The following PRKG1 variants were observed in gnomAD, a reference collection of about 807,000 sequenced individuals.
PRKG1 encodes protein kinase cGMP-dependent 1.
In PRKG1, 35 loss-of-function variants were observed where a neutral mutation model predicts 88.1. The ratio of observed to expected loss-of-function variants is 0.40; its 90% confidence interval spans 0.30 to 0.53. PRKG1 has a LOEUF of 0.53. Ranked by LOEUF, PRKG1 falls within the 20% of genes least tolerant of loss-of-function variation. The probability of loss-of-function intolerance (pLI) is 0.59; values close to 1 mark genes in which losing one functional copy is unlikely to be tolerated. For missense variants in PRKG1, 540 were observed against 839.8 expected, an observed-to-expected ratio of 0.64 and a Z score of 4.41; for synonymous variants, 303 against 292.5, an observed-to-expected ratio of 1.04 and a Z score of -0.37.
chr10:51,992,055 T>C (rs1481126420), intron 5 of PRKG1, among the ~76,000 whole-genome samples: 1 of 152,192 alleles, frequency 6.6e-6, no homozygotes, highest in East Asian at 1.9e-4. Flanking sequence ...AGAATTATTA[T>C]AACCTTATAA....
chr10:52,199,187 C>T (rs1839591723), intron 9 of PRKG1, among the ~76,000 whole-genome samples: 2 of 152,108 alleles, frequency 1.3e-5, no homozygotes. Flanking sequence ...TATCTTTCCT[C>T]ACCTTCTAAC....
chr10:52,105,971 CT>C (rs1847411421), intron 7 of PRKG1, among the ~76,000 whole-genome samples: 1 of 152,104 alleles, frequency 6.6e-6, no homozygotes, highest in Non-Finnish European at 1.5e-5. Context: ...CCCCACTCCC[CT>C]CCCACTCTTC....
chr10:51,334,999 CTTTTTTTTTTTTTT>C (rs918622780), intron 2 of PRKG1, among the ~76,000 whole-genome samples: 1 of 78,746 alleles, frequency 1.3e-5, no homozygotes, highest in Admixed American at 1.7e-4. Flanking sequence ...TGTCAGGTTT[CTTTTTTTTTTTTTT>C]TTTTTTTTTT....
intron 3 of PRKG1, among the ~76,000 whole-genome samples, chr10:51,481,974 C>T (rs765383279): frequency 2.0e-5 from 3 of 152,038 alleles, no homozygotes; most frequent in Non-Finnish European, 4.4e-5. Context: ...TACAATAATT[C>T]TGTTGTATAA....
chr10:51,866,988 G>A (rs574994503), intron 4 of PRKG1, among the ~76,000 whole-genome samples: 19 of 152,230 alleles, frequency 1.2e-4, no homozygotes, highest in South Asian at 8.3e-4. Context: ...TCATTAAAGC[G>A]TACTTAACCA....
intron 1 of PRKG1, among the ~76,000 whole-genome samples, chr10:51,005,835 A>T (rs1415351450): frequency 6.6e-6 from 1 of 152,186 alleles, no homozygotes; most frequent in Non-Finnish European, 1.5e-5. Flanking sequence ...ATATTTTTCC[A>T]GGCTGGGTGC....
chr10:51,494,006 C>A (rs1840782339), intron 3 of PRKG1, among the ~76,000 whole-genome samples: 1 of 152,102 alleles, frequency 6.6e-6, no homozygotes, highest in African/African-American at 2.4e-5. Context: ...GCTATTTTTT[C>A]TACTTAAAAT....
intron 3 of PRKG1, among the ~76,000 whole-genome samples, chr10:51,478,181 G>A (rs1006844151): frequency 7.2e-5 from 11 of 152,054 alleles, no homozygotes; most frequent in Non-Finnish European, 1.3e-4. Context: ...AGTATATCAA[G>A]GCTTTGGACA....
intron 1 of PRKG1, among the ~76,000 whole-genome samples, chr10:51,060,014 G>T (rs1843676231): frequency 6.6e-6 from 1 of 151,946 alleles, no homozygotes; most frequent in African/African-American, 2.4e-5. Context: ...TATAAATTTA[G>T]AATTATAATT....
At chr10:51,930,493 C>CTT (rs1842668175) in intron 5 of PRKG1, among the ~76,000 whole-genome samples, 1 of 85,400 alleles carries the variant, frequency 1.2e-5, no homozygotes, top group Non-Finnish European at 2.0e-5. Flanking sequence ...TTTTTTTTTC[C>CTT]TCTTTTTTTT....
At chr10:51,235,775 A>G (rs1177573437) in intron 2 of PRKG1, among the ~76,000 whole-genome samples, 1 of 152,204 alleles carries the variant, frequency 6.6e-6, no homozygotes, top group African/African-American at 2.4e-5. Context: ...TGGTTAAATT[A>G]TATACACATA....
At chr10:51,397,029 G>A (rs293229) in intron 2 of PRKG1, among the ~76,000 whole-genome samples, 126,276 of 152,160 alleles carry the variant, frequency 0.83, 52,870 homozygotes, top group African/African-American at 0.87. Context: ...TTTCAATAAA[G>A]CTTATTTTAC....
intron 3 of PRKG1, among the ~76,000 whole-genome samples, chr10:51,760,739 T>G (rs1837999708): frequency 6.6e-6 from 1 of 152,082 alleles, no homozygotes; most frequent in South Asian, 2.1e-4. Flanking sequence ...CCCGTGGTGC[T>G]GGGATTACAG....
chr10:51,056,189 T>C (rs182721047), intron 1 of PRKG1, among the ~76,000 whole-genome samples: 2 of 152,306 alleles, frequency 1.3e-5, no homozygotes, highest in East Asian at 3.9e-4. Context: ...GCCCACTCAA[T>C]AGCCCTTCAA....
chr10:51,287,023 A>G (rs79099799), intron 2 of PRKG1, among the ~76,000 whole-genome samples: 19,162 of 152,148 alleles, frequency 0.13, 1,294 homozygotes, highest in East Asian at 0.18. Context: ...GTCTACAGGC[A>G]TATGCCACCA....
At chr10:51,655,666 C>T (rs1311771474) in intron 3 of PRKG1, among the ~76,000 whole-genome samples, 1 of 152,030 alleles carries the variant, frequency 6.6e-6, no homozygotes, top group African/African-American at 2.4e-5. Flanking sequence ...AAGTCTCATT[C>T]TACTTTAGTC....
rs1446600606 is a variant in PRKG1, at chr10:51,627,961, T to C, written c.592+160125T>C. Reference sequence around the variant, plus strand: ...TCCTTCCTTTCTTTCTTTCTTTCTTTCTTTCTTTCTCTTTCTTTCTTTCTT... The same window carrying C: ...TCCTTCCTTTCTTTCTTTCTTTCTTCCTTTCTTTCTCTTTCTTTCTTTCTT... On this transcript the variant is annotated intron_variant, in intron 3 of 17. Transcript: ENST00000373980. Among the ~76,000 whole-genome samples, 136 of 20,938 alleles carry C rather than the reference T, an allele frequency of 6.5e-3. 3 individuals are homozygous for C. In the South Asian group the frequency reaches 0.12, roughly 18 times the overall value. 13.7% of individuals were successfully genotyped at this position (20,938 alleles called of 152,430 possible).
chr10:51,933,667 T>A (rs1842740271), intron 5 of PRKG1, among the ~76,000 whole-genome samples: 6 of 151,910 alleles, frequency 3.9e-5, no homozygotes, highest in African/African-American at 9.7e-5. Flanking sequence ...AACAAAAAAA[T>A]TTGTGCCTTA....
chr10:52,221,510 T>G (rs41375848), intron 9 of PRKG1, among the ~76,000 whole-genome samples: 20,362 of 152,132 alleles, frequency 0.13, 1,776 homozygotes, highest in African/African-American at 0.25. Context: ...GGTACTTAAT[T>G]TTTTGCATAT....
Sources: allele counts gnomAD v4.1 joint callset (sites outside exome capture counted in the v4.1 genomes callset), GRCh38; gene constraint gnomAD v4.1.1; transcripts MANE v1.5; gene names NCBI Gene and HGNC (gene_info 2026-07-23, HGNC 2026-07-21).